ITGA4: variants seen among roughly 807,000 people sequenced by gnomAD.
ITGA4 encodes integrin alpha-4.
In ITGA4, 63 loss-of-function variants were observed where a neutral mutation model predicts 133.6. The ratio of observed to expected loss-of-function variants is 0.47; its 90% CI spans 0.38 to 0.58. The LOEUF (loss-of-function observed/expected upper bound fraction) is 0.58. Among genes scored for constraint, ITGA4 ranks in the 20% least tolerant of loss-of-function variants. The pLI, the probability that ITGA4 is intolerant of heterozygous loss-of-function variation, is 0.00. For synonymous variants in ITGA4, 483 were observed against 438.0 expected (o/e 1.10, Z -1.28); for missense variants, 1,076 against 1,252.7 (o/e 0.86, Z 2.13).
At chr2:181,489,704 A>T (rs1254614154) in intron 10 of ITGA4, among the ~76,000 whole-genome samples, 1 of 151,922 alleles carries the variant, frequency 6.6e-6, no homozygotes, top group Admixed American at 6.5e-5. Context: ...TGTTACATGC[A>T]TCGATTACAT....
In ITGA4 at chr2:181,537,183, C is replaced by T. The variant is rs775090497; in HGVS notation, c.*1656C>T. ...ATTCTTTCAGGAGAACATCTAGGAT[C>T]ATAGATGAAAAATCAAGCCCCGATT... On this transcript the variant is annotated 3_prime_UTR_variant, in exon 28 of 28. Transcript: ENST00000397033. The T allele has an allele frequency of 2.2e-6, 1 of 453,530 alleles. No individual in the cohort carries two copies. Among genetic ancestry groups the T allele is most frequent in the South Asian group, 1.6e-5 (1 of 64,462 alleles). The allele number at this position is 453,530 out of a possible 1,614,324, so 28.1% of individuals were successfully genotyped here. A position where few individuals can be genotyped will look rare whatever the true frequency, so the allele number is the denominator to read the frequency against.
rs199911081 is a variant in ITGA4 at position 181,522,286 on chromosome 2, C to T, written c.2018C>T (p.Thr673Met). ...LFNAGDDAYE[T>M]TLHVKLPVGL... ...AATGCTGGAGATGATGCATATGAAA[C>T]GACTCTACATGTCAAACTACCCGTG... Residue 673 changes from threonine (T) to methionine (M), a missense_variant, in exon 18 of 28, where the codon ACG (threonine) becomes ATG (methionine). By Grantham distance (81) the Thr-to-Met change is moderately conservative. Transcript: ENST00000397033. 118 of 1,608,718 alleles carry T rather than the reference C, an allele frequency of 7.3e-5. No individual in the cohort carries two copies. The highest frequency in any genetic ancestry group is 9.4e-5 in the Non-Finnish European group (111 of 1,176,384).
intron 7 of ITGA4, among the ~76,000 whole-genome samples, 178 bp from the exon 8 acceptor site, chr2:181,482,182 G>A (rs1181045769): frequency 1.3e-5 from 2 of 152,096 alleles, no homozygotes; most frequent in Admixed American, 6.6e-5. Flanking sequence ...TGCAAGTAAG[G>A]CATATTAATG....
chr2:181,477,257 A>G (rs569287532), intron 4 of ITGA4, among the ~76,000 whole-genome samples: 1 of 152,238 alleles, frequency 6.6e-6, no homozygotes, highest in South Asian at 2.1e-4. Flanking sequence ...GAAACCATAA[A>G]ATTTCTAGTG....
chr2:181,524,336 C>G, intron 20 of ITGA4, 86 bp downstream of exon 20: 1 of 722,536 alleles, frequency 1.4e-6, no homozygotes, highest in Non-Finnish European at 2.2e-6. Context: ...AAACTGTGTT[C>G]CATTAATTGT....
chr2:181,468,900 A>G (rs370701057), intron 2 of ITGA4, among the ~76,000 whole-genome samples: 1 of 152,218 alleles, frequency 6.6e-6, no homozygotes, highest in East Asian at 1.9e-4. Flanking sequence ...CTAGTTGTTT[A>G]AAAGCAGGGA....
intron 21 of ITGA4, among the ~76,000 whole-genome samples, chr2:181,526,852 T>TTTTTTTTTTTTC (rs1686841803): frequency 7.4e-6 from 1 of 134,268 alleles, no homozygotes; most frequent in Non-Finnish European, 1.6e-5. Flanking sequence ...TTTTTTTTTT[T>TTTTTTTTTTTTC]TAAGAGTCTC....
chr2:181,524,337 C>T, intron 20 of ITGA4, 87 bp downstream of exon 20: 4 of 719,312 alleles, frequency 5.6e-6, no homozygotes, highest in Non-Finnish European at 9.0e-6. Flanking sequence ...AACTGTGTTC[C>T]ATTAATTGTA....
chr2:181,487,980 T>C (rs1306154974), intron 10 of ITGA4, among the ~76,000 whole-genome samples: 3 of 152,218 alleles, frequency 2.0e-5, no homozygotes, highest in African/African-American at 4.8e-5. Flanking sequence ...AAAACACTTA[T>C]TTTGTCTATG....
Position 181,538,546 on chromosome 2 carries a change from C to T in ITGA4, c.*3019C>T, listed in dbSNP as rs1687323238. Reference sequence around the variant, plus strand: ...GGCACCCCTGCATGCTTCTTCTAACCACTGAGTGTCACAATGCCTACCAAG... The same window carrying T: ...GGCACCCCTGCATGCTTCTTCTAACTACTGAGTGTCACAATGCCTACCAAG... On this transcript the variant is annotated 3_prime_UTR_variant, in exon 28 of 28. Transcript: ENST00000397033. Among the ~76,000 whole-genome samples the T allele has an allele frequency of 6.6e-6, 1 of 152,274 alleles. No homozygotes were observed. Among genetic ancestry groups the T allele is most frequent in the Non-Finnish European group, 1.5e-5 (1 of 68,016 alleles).
rs200678526 is a variant in ITGA4, at chr2:181,475,250, G to A, written c.518G>A (p.Arg173Gln). Residue 173 changes from arginine to glutamine, a missense_variant, in exon 4 of 28, where the codon CGA becomes CAA. Arg to Gln is a conservative substitution (Grantham distance 43). Around this residue, in one of 4 missense-constraint regions of ITGA4, gnomAD observed 436 missense variants for 590.7 expected, o/e 0.74. Coordinates refer to ENST00000397033, the MANE Select transcript of ITGA4 (RefSeq NM_000885.6). ...TGCTATGGAGTGCCCCCTGATTTAC[G>A]AACAGAACTGAGTAAAAGAATAGCT... ...GGCYGVPPDL[R>Q]TELSKRIAPC... The A allele has an allele frequency of 6.8e-6, 11 of 1,612,576 alleles. No homozygotes were observed. The highest frequency in any genetic ancestry group is 2.7e-5 in the African/African-American group (2 of 74,862).
chr2:181,469,330 G>C (rs964782352), intron 2 of ITGA4, among the ~76,000 whole-genome samples: 1 of 152,176 alleles, frequency 6.6e-6, no homozygotes, highest in Admixed American at 6.5e-5. Context: ...CATCAAGCTT[G>C]TCCATGTGGT....
At chr2:181,496,052 G>A (rs1322738542) in intron 14 of ITGA4, 115 bp downstream of exon 14, 35 of 1,040,028 alleles carry the variant, frequency 3.4e-5, no homozygotes, top group East Asian at 2.4e-4. Context: ...TAGAGCGGGG[G>A]AGAGAAGCTA....
intron 17 of ITGA4, among the ~76,000 whole-genome samples, chr2:181,518,124 G>A (rs570703406): frequency 1.3e-5 from 2 of 152,138 alleles, no homozygotes; most frequent in South Asian, 2.1e-4. Context: ...GTGCCACCAA[G>A]CAGATTCATA....
At chr2:181,503,477 T>A (rs1686325263) in intron 15 of ITGA4, among the ~76,000 whole-genome samples, 1 of 151,730 alleles carries the variant, frequency 6.6e-6, no homozygotes, top group African/African-American at 2.4e-5. Flanking sequence ...TTAAGTCTAA[T>A]CATAATCAAA....
chr2:181,525,425 CATT>C lies in ITGA4; in HGVS notation c.2339+135_2339+137del, dbSNP rs1048849583. ...ATACTCTATCTTTTAATAATTACCT[CATT>C]GTTATAGTCCCTTACTTAGCTGTCC... On this transcript the variant is annotated intron_variant, in intron 21 of 27. Coordinates refer to ENST00000397033, the MANE Select transcript of ITGA4 (RefSeq NM_000885.6). 213 of 564,760 alleles carry C rather than the reference CATT, an allele frequency of 3.8e-4. 1 individual carries two copies. The highest frequency in any genetic ancestry group is 3.2e-3 in the African/African-American group (173 of 53,414). The allele number at this position is 564,760 out of a possible 1,614,324, so 35.0% of individuals were successfully genotyped here. A position where few individuals can be genotyped will look rare whatever the true frequency, so the allele number is the denominator to read the frequency against.
At chr2:181,475,341 T>A (rs1390952399) in intron 4 of ITGA4, 53 bp downstream of exon 4, 1 of 1,389,756 alleles carries the variant, frequency 7.2e-7, no homozygotes, top group East Asian at 2.3e-5. Flanking sequence ...TGAATACCTT[T>A]TAGTGTTTTA....
At position 181,523,260 on chromosome 2, in the gene ITGA4, A is replaced by T. The variant is rs531389127; in HGVS notation, c.2074-177A>T. ...TATATACACATACATATATACACAC[A>T]TGCACACATATTTATATCATATGTC... On this transcript the variant is annotated intron_variant, in intron 18 of 27. Transcript: ENST00000397033. The surrounding 1 kb of genome is among the most constrained non-coding windows in gnomAD (Gnocchi z 4.2). 1 of 522,308 alleles carries T rather than the reference A, an allele frequency of 1.9e-6. No individual in the cohort carries two copies. Among genetic ancestry groups the T allele is most frequent in the Admixed American group, 3.1e-5 (1 of 31,874 alleles). The allele number at this position is 522,308 out of a possible 1,614,324, so 32.4% of individuals were successfully genotyped here.
chr2:181,538,296 C>CA lies in ITGA4; in HGVS notation c.*2770dup. The CA allele has an allele frequency of 1.9e-6, 2 of 1,061,694 alleles. No individual in the cohort carries two copies. The highest frequency in any genetic ancestry group is 2.6e-5 in the South Asian group (2 of 77,972). 65.8% of individuals were successfully genotyped at this position (1,061,694 alleles called of 1,614,324 possible). A position where few individuals can be genotyped will look rare whatever the true frequency, so the allele number is the denominator to read the frequency against. On this transcript the variant is annotated 3_prime_UTR_variant, in exon 28 of 28. Coordinates refer to ENST00000397033, the MANE Select transcript of ITGA4 (RefSeq NM_000885.6). Reference sequence around the variant, plus strand: ...AACTTATTTTGTTGTTTTTCACATACACCTAATAAGTATGGTACACAATGC... The same window carrying CA: ...AACTTATTTTGTTGTTTTTCACATACAACCTAATAAGTATGGTACACAATGC...
Sources: allele counts gnomAD v4.1 joint callset (sites outside exome capture counted in the v4.1 genomes callset), GRCh38; gene constraint gnomAD v4.1.1; regional missense constraint gnomAD v4.1.1; non-coding constraint Gnocchi (gnomAD v3.1); transcripts MANE v1.5; gene names NCBI Gene and HGNC (gene_info 2026-07-23, HGNC 2026-07-21).